The following ZNF385B variants were observed in gnomAD, a reference collection of about 807,000 sequenced individuals.
The protein encoded by ZNF385B is zinc finger protein 385B.
A neutral mutation model predicts 39.2 loss-of-function variants in ZNF385B; 23 were observed. That is an observed-to-expected ratio of 0.59 (90% confidence interval 0.42 to 0.83). The LOEUF is 0.83. ZNF385B is among the 40% of genes least tolerant of loss of function. The pLI is 0.00. For synonymous variants in ZNF385B, 205 were observed against 222.6 expected (o/e 0.92, Z 0.70); for missense variants, 552 against 598.9 (o/e 0.92, Z 0.82).
chr2:179,581,604 G>T (rs1341304167), intron 3 of ZNF385B, among the ~76,000 whole-genome samples: 2 of 152,086 alleles, frequency 1.3e-5, no homozygotes. Flanking sequence ...TCCATGTAAG[G>T]CACTACTCTA....
intron 3 of ZNF385B, among the ~76,000 whole-genome samples, chr2:179,760,055 T>TC (rs1180391204): frequency 2.0e-5 from 3 of 151,594 alleles, no homozygotes; most frequent in Non-Finnish European, 4.4e-5. Flanking sequence ...TAAAAATTTT[T>TC]TTTTTTTTTT....
chr2:179,577,419 C>A (rs1286889037), intron 3 of ZNF385B, among the ~76,000 whole-genome samples: 6 of 151,982 alleles, frequency 3.9e-5, no homozygotes, highest in Non-Finnish European at 8.8e-5. Flanking sequence ...ATAGTGTATG[C>A]CAAAAAGTAT....
At chr2:179,486,003 C>G (rs1229402435) in intron 5 of ZNF385B, among the ~76,000 whole-genome samples, 2 of 151,946 alleles carry the variant, frequency 1.3e-5, no homozygotes, top group East Asian at 1.9e-4. Context: ...TCATGTTGTT[C>G]TCTGTCAAGT....
intron 3 of ZNF385B, among the ~76,000 whole-genome samples, chr2:179,725,451 A>G (rs1700943676): frequency 6.6e-6 from 1 of 151,852 alleles, no homozygotes; most frequent in African/African-American, 2.4e-5. Flanking sequence ...ATTTATGAAT[A>G]TATATATACA....
intron 4 of ZNF385B, among the ~76,000 whole-genome samples, chr2:179,526,731 C>CT (rs2058928762): frequency 6.6e-6 from 1 of 152,196 alleles, no homozygotes; most frequent in African/African-American, 2.4e-5. Context: ...ACTGCTTCTC[C>CT]TACCCAGAGC....
At chr2:179,474,758 G>A (rs766045122) in intron 6 of ZNF385B, among the ~76,000 whole-genome samples, 4 of 152,038 alleles carry the variant, frequency 2.6e-5, no homozygotes, top group Admixed American at 2.0e-4. Context: ...ACAAGGTGTC[G>A]CTGTCATCTT....
intron 3 of ZNF385B, among the ~76,000 whole-genome samples, chr2:179,706,543 G>A (rs917180710): frequency 1.3e-5 from 2 of 152,136 alleles, no homozygotes; most frequent in African/African-American, 4.8e-5. Context: ...TGTCTATGTG[G>A]GTCTCTGTCT....
At chr2:179,683,790 A>G (rs1014016603) in intron 3 of ZNF385B, among the ~76,000 whole-genome samples, 2 of 152,148 alleles carry the variant, frequency 1.3e-5, no homozygotes, top group Non-Finnish European at 2.9e-5. Context: ...AATGTTTTAT[A>G]ACAACAAAAC....
chr2:179,495,384 C>G (rs2056089641), intron 5 of ZNF385B, among the ~76,000 whole-genome samples: 1 of 152,202 alleles, frequency 6.6e-6, no homozygotes, highest in South Asian at 2.1e-4. Context: ...CTCTAGTACT[C>G]AACTGACAGA....
intron 3 of ZNF385B, among the ~76,000 whole-genome samples, chr2:179,698,012 T>A (rs1314640070): frequency 6.6e-6 from 1 of 151,852 alleles, no homozygotes; most frequent in East Asian, 1.9e-4. Flanking sequence ...GGACACAGGG[T>A]GGGGAACATC....
At chr2:179,556,310 T>G (rs2060901539) in intron 3 of ZNF385B, among the ~76,000 whole-genome samples, 1 of 149,806 alleles carries the variant, frequency 6.7e-6, no homozygotes, top group South Asian at 2.1e-4. Flanking sequence ...TTGAAAAGTA[T>G]GAGAATTTAA....
intron 3 of ZNF385B, among the ~76,000 whole-genome samples, chr2:179,582,019 G>A (rs188587533): frequency 1.9e-4 from 29 of 152,132 alleles, no homozygotes; most frequent in Non-Finnish European, 8.8e-5. Context: ...TTCATTAATA[G>A]AGGACTGTAC....
chr2:179,788,141 C>CAAT (rs1379897319), intron 1 of ZNF385B, among the ~76,000 whole-genome samples: 3 of 152,048 alleles, frequency 2.0e-5, no homozygotes, highest in African/African-American at 7.2e-5. Context: ...TCCTCTGTTA[C>CAAT]AATATTTTAA....
chr2:179,796,299 A>T (rs962320325), intron 1 of ZNF385B: 6 of 152,154 alleles, frequency 3.9e-5, no homozygotes, highest in African/African-American at 1.4e-4. Flanking sequence ...CCTAGATCCA[A>T]GATGAGGGAG....
At chr2:179,793,895 C>T (rs1705495349) in intron 1 of ZNF385B, among the ~76,000 whole-genome samples, 2 of 152,230 alleles carry the variant, frequency 1.3e-5, no homozygotes, top group African/African-American at 2.4e-5. Context: ...AATGGCTTTA[C>T]TTTACAGTTT....
At chr2:179,675,750 G>A (rs1475520771) in intron 3 of ZNF385B, among the ~76,000 whole-genome samples, 1 of 151,854 alleles carries the variant, frequency 6.6e-6, no homozygotes, top group African/African-American at 2.4e-5. Context: ...ACTTTCAAGA[G>A]TTGTATCTGT....
intron 1 of ZNF385B, among the ~76,000 whole-genome samples, chr2:179,798,710 G>A (rs559290432): frequency 6.6e-6 from 1 of 152,022 alleles, no homozygotes; most frequent in Admixed American, 6.6e-5. Context: ...TATATTCCTT[G>A]GTAAGTATAG....
chr2:179,756,910 T>C (rs12993044), intron 3 of ZNF385B, among the ~76,000 whole-genome samples: 6,630 of 152,292 alleles, frequency 0.044, 194 homozygotes, highest in Non-Finnish European at 0.065. Flanking sequence ...GGGTTTGAAC[T>C]TTCTCCTTTA....
intron 3 of ZNF385B, among the ~76,000 whole-genome samples, chr2:179,574,740 A>G (rs1305565755): frequency 6.6e-6 from 1 of 152,192 alleles, no homozygotes; most frequent in African/African-American, 2.4e-5. Context: ...ATAAGTATGG[A>G]CACAACAACA....
Sources: allele counts gnomAD v4.1 joint callset (sites outside exome capture counted in the v4.1 genomes callset), GRCh38; gene constraint gnomAD v4.1.1; transcripts MANE v1.5; gene names NCBI Gene and HGNC (gene_info 2026-07-23, HGNC 2026-07-21).